GRM1: variants seen among roughly 807,000 people sequenced by gnomAD.
GRM1 encodes glutamate metabotropic receptor 1.
A neutral mutation model predicts 90.9 loss-of-function variants in GRM1; 33 were observed. That is an observed-to-expected ratio of 0.36 (90% CI 0.28 to 0.49). GRM1 has a LOEUF of 0.49. Among genes scored for constraint, GRM1 ranks in the 20% least tolerant of loss-of-function variants. GRM1 has a pLI of 0.99. For missense variants in GRM1, 1,190 were observed against 1,534.3 expected (o/e 0.78, Z 3.75); for synonymous variants, 700 against 613.2 (o/e 1.14, Z -2.09).
At chr6:146,269,810 G>A (rs1233052084) in intron 2 of GRM1, among the ~76,000 whole-genome samples, 1 of 138,450 alleles carries the variant, frequency 7.2e-6, no homozygotes, top group African/African-American at 3.5e-5. Context: ...CATGAAACTG[G>A]TCCCTGGTGC....
At chr6:146,390,876 G>A (rs1776690436) in intron 6 of GRM1, among the ~76,000 whole-genome samples, 1 of 151,954 alleles carries the variant, frequency 6.6e-6, no homozygotes, top group Non-Finnish European at 1.5e-5. Context: ...AATATGGAGC[G>A]GCTGTTTTTC....
chr6:146,406,566 C>T (rs371796588), intron 7 of GRM1, among the ~76,000 whole-genome samples: 67 of 152,180 alleles, frequency 4.4e-4, no homozygotes, highest in Admixed American at 9.8e-4. Context: ...TGGTAGCTCA[C>T]GCCTATAGTC....
intron 1 of GRM1, 138 bp downstream of exon 1, chr6:146,030,355 C>A (rs1790661370): frequency 2.8e-6 from 2 of 717,658 alleles, no homozygotes; most frequent in African/African-American, 1.7e-5. Context: ...ACTGCCCACC[C>A]AGGCATTGCC....
At chr6:146,048,555 G>T (rs1180199752) in intron 1 of GRM1, among the ~76,000 whole-genome samples, 1 of 151,928 alleles carries the variant, frequency 6.6e-6, no homozygotes, top group African/African-American at 2.4e-5. Flanking sequence ...CCCCAAAAAA[G>T]TTGGAACCCT....
intron 2 of GRM1, among the ~76,000 whole-genome samples, chr6:146,234,306 C>T (rs1780554927): frequency 6.6e-6 from 1 of 151,886 alleles, no homozygotes; most frequent in African/African-American, 2.4e-5. Flanking sequence ...ACTCTCTTTC[C>T]TTTTAATTAG....
intron 1 of GRM1, among the ~76,000 whole-genome samples, chr6:146,049,754 A>G: frequency 6.6e-6 from 1 of 151,950 alleles, no homozygotes. Flanking sequence ...CAAAATTATT[A>G]TTATTAAAAA....
At chr6:146,387,635 G>A (rs1776556295) in intron 6 of GRM1, among the ~76,000 whole-genome samples, 1 of 152,040 alleles carries the variant, frequency 6.6e-6, no homozygotes, top group Admixed American at 6.6e-5. Flanking sequence ...AGTAGAACAC[G>A]GGAAACATGA....
chr6:146,304,428 C>A (rs1337560883), intron 2 of GRM1, among the ~76,000 whole-genome samples, 183 bp from the exon 3 acceptor site: 1 of 152,070 alleles, frequency 6.6e-6, no homozygotes, highest in Admixed American at 6.6e-5. Flanking sequence ...AACAAAGAAA[C>A]AAACAGGATA....
chr6:146,197,155 CA>C (rs1183449387), intron 2 of GRM1, among the ~76,000 whole-genome samples: 3 of 152,142 alleles, frequency 2.0e-5, no homozygotes, highest in African/African-American at 7.2e-5. Flanking sequence ...TGGGAAATAG[CA>C]GGAACCAGGA....
At chr6:146,077,945 T>A (rs894284026) in intron 1 of GRM1, among the ~76,000 whole-genome samples, 11 of 152,082 alleles carry the variant, frequency 7.2e-5, no homozygotes, top group African/African-American at 2.7e-4. Flanking sequence ...CCAGAGTAGA[T>A]GTGAAGCTGA....
chr6:146,039,673 G>T (rs1453232338), intron 1 of GRM1, among the ~76,000 whole-genome samples: 2 of 151,906 alleles, frequency 1.3e-5, no homozygotes, highest in African/African-American at 2.4e-5. Context: ...AGAAGGAAAG[G>T]CCAGTTCAAT....
chr6:146,044,069 C>T (rs1351747671), intron 1 of GRM1, among the ~76,000 whole-genome samples: 1 of 151,734 alleles, frequency 6.6e-6, no homozygotes, highest in Non-Finnish European at 1.5e-5. Context: ...CTCACCTGTT[C>T]CTGCCATTTC....
intron 2 of GRM1, among the ~76,000 whole-genome samples, chr6:146,225,900 T>C (rs1458112728): frequency 6.6e-6 from 1 of 152,156 alleles, no homozygotes; most frequent in Non-Finnish European, 1.5e-5. Context: ...AACAACTAGA[T>C]AAATTTCCTT....
At position 146,434,706 on chromosome 6, in the gene GRM1, C is replaced by T. The variant is rs9373491; in HGVS notation, c.3495C>T (p.Pro1165=). ...VASGSSVPSS[P]VSESVLCTPP... ...CGGGCAGCTCGGTGCCCAGCTCCCCCGTGTCCGAGTCGGTGCTCTGCACCC... is the reference window on the plus strand; with the variant it reads ...CGGGCAGCTCGGTGCCCAGCTCCCCTGTGTCCGAGTCGGTGCTCTGCACCC... The change falls in exon 8 of 8, where the codon CCC becomes CCT. Residue 1165 remains proline, a synonymous_variant. Coordinates refer to ENST00000282753, the MANE Select transcript of GRM1 (RefSeq NM_001278064.2). The T allele has an allele frequency of 1.2e-6, 2 of 1,603,030 alleles. No homozygotes were observed. The highest frequency in any genetic ancestry group is 1.3e-5 in the African/African-American group (1 of 74,868).
intron 1 of GRM1, among the ~76,000 whole-genome samples, chr6:146,157,468 A>C (rs536495299): frequency 3.3e-5 from 5 of 152,316 alleles, no homozygotes; most frequent in African/African-American, 1.2e-4. Context: ...TTTGTATATC[A>C]ATTAGAAGTC....
intron 1 of GRM1, among the ~76,000 whole-genome samples, chr6:146,088,064 A>G (rs1166097760): frequency 1.3e-5 from 2 of 152,192 alleles, no homozygotes; most frequent in Admixed American, 6.6e-5. Context: ...CACTAGAAAT[A>G]TGAATGATAC....
chr6:146,031,766 G>C (rs1051608841), intron 1 of GRM1, among the ~76,000 whole-genome samples: 6 of 152,008 alleles, frequency 3.9e-5, no homozygotes, highest in African/African-American at 1.4e-4. Context: ...TTTCTTTAGT[G>C]CTTGCTTAAA....
chr6:146,211,506 T>C (rs1779686652), intron 2 of GRM1, among the ~76,000 whole-genome samples: 1 of 152,170 alleles, frequency 6.6e-6, no homozygotes, highest in African/African-American at 2.4e-5. Context: ...TCAAATAAGA[T>C]CATTTTGATT....
intron 7 of GRM1, among the ~76,000 whole-genome samples, chr6:146,414,578 A>AT (rs964250235): frequency 2.6e-4 from 40 of 151,656 alleles, no homozygotes; most frequent in Non-Finnish European, 5.0e-4. Context: ...AATTTTTTGT[A>AT]TTTTTAGTAG....
Sources: allele counts gnomAD v4.1 joint callset (sites outside exome capture counted in the v4.1 genomes callset), GRCh38; gene constraint gnomAD v4.1.1; transcripts MANE v1.5; gene names NCBI Gene and HGNC (gene_info 2026-07-23, HGNC 2026-07-21).